Variants in PATE1 observed in about 807,000 individuals in gnomAD.
The protein encoded by PATE1 is prostate and testis expressed 1, also known as prostate and testis expressed protein 1.
In PATE1, 21 loss-of-function variants were observed where a neutral mutation model predicts 13.1. That is an observed-to-expected ratio of 1.61 (90% CI 1.14 to 2.31). The LOEUF (loss-of-function observed/expected upper bound fraction) is 2.31. PATE1 is among the 30% of genes most tolerant of loss of function. The pLI, the probability that PATE1 is intolerant of heterozygous loss-of-function variation, is 0.00. For missense variants in PATE1, 166 were observed against 147.2 expected (o/e 1.13, Z -0.66); for synonymous variants, 52 against 47.1 (o/e 1.10, Z -0.43).
At position 125,748,835 on chromosome 11, in the gene PATE1, C is replaced by G. The variant is rs1280061584; in HGVS notation, c.*102C>G. The G allele has an allele frequency of 7.6e-7, 1 of 1,319,930 alleles. No individual in the cohort carries two copies. Among genetic ancestry groups the G allele is most frequent in the Admixed American group, 2.2e-5 (1 of 44,802 alleles). 81.8% of individuals were successfully genotyped at this position (1,319,930 alleles called of 1,614,324 possible). Reference sequence around the variant, plus strand: ...AAAATCACACACACACACACACACACTACAGAAGAGGATTGCAAACACATG... The same window carrying G: ...AAAATCACACACACACACACACACAGTACAGAAGAGGATTGCAAACACATG... On this transcript the variant is annotated 3_prime_UTR_variant, in exon 5 of 5. Transcript: ENST00000305738.
chr11:125,748,138 C>A, intron 4 of PATE1: 1 of 339,972 alleles, frequency 2.9e-6, no homozygotes, highest in South Asian at 3.9e-5. Flanking sequence ...GTGGAGGGGG[C>A]TTTTGGTTCT....
chr11:125,747,280 T>A (rs1479016572), intron 2 of PATE1, 96 bp from the exon 3 acceptor site: 2 of 1,148,458 alleles, frequency 1.7e-6, no homozygotes, highest in East Asian at 2.4e-5. Context: ...AGTTTAAGAG[T>A]GCAGGATGGA....
intron 2 of PATE1, 83 bp from the exon 3 acceptor site, chr11:125,747,293 C>T: frequency 7.4e-7 from 1 of 1,355,162 alleles, no homozygotes. Flanking sequence ...AGGATGGACC[C>T]TGAAGGGCAG....
Position 125,749,798 on chromosome 11 carries a change from T to C in PATE1, c.*1065T>C, listed in dbSNP as rs1224790188. The C allele has an allele frequency of 6.6e-6, 1 of 151,788 alleles. No homozygotes were observed. Among genetic ancestry groups the C allele is most frequent in the Non-Finnish European group, 1.5e-5 (1 of 67,960 alleles). The allele number at this position is 151,788 out of a possible 1,614,324, so 9.4% of individuals were successfully genotyped here. ...GTAGAATGAAGCCTGGAAAGAGTGA[T>C]GAATTATATTATATTATATAAAAAT... is the stretch of plus-strand genomic sequence containing the variant. On this transcript the variant is annotated 3_prime_UTR_variant, in exon 5 of 5. Transcript: ENST00000305738.
intron 4 of PATE1, 38 bp from the exon 5 acceptor site, chr11:125,748,562 G>A (rs1434759511): frequency 5.6e-6 from 9 of 1,599,782 alleles, no homozygotes; most frequent in Admixed American, 3.5e-5. Flanking sequence ...GAACTTTCAT[G>A]GCCAGGCTTC....
In PATE1 at chr11:125,749,626, G is replaced by A. The variant is rs1162676910; in HGVS notation, c.*893G>A. On this transcript the variant is annotated 3_prime_UTR_variant, in exon 5 of 5. Transcript: ENST00000305738. ...TCATCAGCCACTTGTGTGAAGAGAT[G>A]CCCCATGACCCCAGATGCCTCTCCC... 2.6e-5 allele frequency: 4 copies of A among 152,028 alleles called. No homozygotes were observed. The highest frequency in any genetic ancestry group is 5.9e-5 in the Non-Finnish European group (4 of 68,010). The allele number at this position is 152,028 out of a possible 1,614,324, so 9.4% of individuals were successfully genotyped here.
chr11:125,748,585 T>G lies in PATE1; in HGVS notation c.248-15T>G. 5 of 1,608,994 alleles carry G rather than the reference T, an allele frequency of 3.1e-6. No homozygotes were observed. The highest frequency in any genetic ancestry group is 4.2e-6 in the Non-Finnish European group (5 of 1,178,610). On this transcript the variant is annotated splice_polypyrimidine_tract_variant and intron_variant, in intron 4 of 4. Coordinates refer to ENST00000305738, the MANE Select transcript of PATE1 (RefSeq NM_138294.3). ...ATGGCCAGGCTTCCTGATCTGTTTT[T>G]TCTCCCCTCCACAGGGGATGGTAAT...
intron 1 of PATE1, 125 bp from the exon 2 acceptor site, chr11:125,746,536 C>T (rs1189392582): frequency 2.7e-5 from 37 of 1,363,332 alleles, no homozygotes; most frequent in Non-Finnish European, 3.6e-5. Context: ...TAAAGCTCTT[C>T]TCCCTTCCTT....
At chr11:125,746,760 T>A in intron 2 of PATE1, 64 bp downstream of exon 2, 2 of 1,580,776 alleles carry the variant, frequency 1.3e-6, no homozygotes, top group Admixed American at 1.7e-5. Context: ...ATGAGTGGGG[T>A]GAGGTGAGCA....
In PATE1 at chr11:125,748,776, G is replaced by T. The variant is rs1243370447; in HGVS notation, c.*43G>T. On this transcript the variant is annotated 3_prime_UTR_variant, in exon 5 of 5. Transcript: ENST00000305738. ...GTGACTCCAATTTCTGGGTGAGGTT[G>T]TTGCCTCAGCCTCTTCACAATGACT... 3.1e-6 allele frequency: 5 copies of T among 1,604,778 alleles called. No individual in the cohort carries two copies. The highest frequency in any genetic ancestry group is 4.3e-6 in the Non-Finnish European group (5 of 1,174,974).
chr11:125,748,765 T>A lies in PATE1; in HGVS notation c.*32T>A. The A allele has an allele frequency of 6.2e-7, 1 of 1,608,424 alleles. No individual in the cohort carries two copies. Among genetic ancestry groups the A allele is most frequent in the Non-Finnish European group, 8.5e-7 (1 of 1,177,188 alleles). On this transcript the variant is annotated 3_prime_UTR_variant, in exon 5 of 5. Transcript: ENST00000305738. ...ATGGTTCTTCTGTGACTCCAATTTC[T>A]GGGTGAGGTTGTTGCCTCAGCCTCT...
Position 125,747,402 on chromosome 11 carries a change from A to T in PATE1, c.115A>T (p.Asn39Tyr), listed in dbSNP as rs1388320528. The T allele has an allele frequency of 6.2e-7, 1 of 1,612,600 alleles. No homozygotes were observed. Among genetic ancestry groups the T allele is most frequent in the Non-Finnish European group, 8.5e-7 (1 of 1,179,420 alleles). ...CAATGAAATAGTTGCTGTGAAAAACAATTTTCCTGGTAAGTATGAAGAGGA... is the reference window on the plus strand; with the variant it reads ...CAATGAAATAGTTGCTGTGAAAAACTATTTTCCTGGTAAGTATGAAGAGGA... ...AVNEIVAVKN[N>Y]FPVIEIVQCR... The change falls in exon 3 of 5, where the codon AAT becomes TAT. Residue 39 changes from asparagine (N) to tyrosine (Y), a missense_variant. Asn to Tyr is a moderately radical substitution (Grantham distance 143). Coordinates refer to ENST00000305738, the MANE Select transcript of PATE1 (RefSeq NM_138294.3).
chr11:125,747,492 C>G, intron 3 of PATE1, 81 bp downstream of exon 3: 1 of 1,467,252 alleles, frequency 6.8e-7, no homozygotes, highest in Non-Finnish European at 9.5e-7. Flanking sequence ...TTTCTTTCCC[C>G]TCCCATTTTT....
At position 125,747,403 on chromosome 11, in the gene PATE1, AT is replaced by A; in HGVS notation, c.120del (p.Pro41LeufsTer2). On this transcript the variant is annotated frameshift_variant, in exon 3 of 5. Coordinates refer to ENST00000305738, the MANE Select transcript of PATE1 (RefSeq NM_138294.3). LOFTEE classifies it high-confidence loss of function. ...AVNEIVAVKN[N>X]FPVIEIVQCR... The stretch of plus-strand genomic sequence containing the variant: ...AATGAAATAGTTGCTGTGAAAAACA[AT>A]TTTCCTGGTAAGTATGAAGAGGACC... The A allele has an allele frequency of 6.2e-7, 1 of 1,612,510 alleles. No individual in the cohort carries two copies. The highest frequency in any genetic ancestry group is 8.5e-7 in the Non-Finnish European group (1 of 1,179,354).
Position 125,748,876 on chromosome 11 carries a change from C to G in PATE1, c.*143C>G, listed in dbSNP as rs1471456856. On this transcript the variant is annotated 3_prime_UTR_variant, in exon 5 of 5. Transcript: ENST00000305738. Reference sequence around the variant, plus strand: ...CAAACACATGGCTCCATCTTCTGCACACGAAAGGAAAGTCCCTCTCCTTTT... The same window carrying G: ...CAAACACATGGCTCCATCTTCTGCAGACGAAAGGAAAGTCCCTCTCCTTTT... The G allele has an allele frequency of 9.6e-6, 10 of 1,041,970 alleles. No homozygotes were observed. The highest frequency in any genetic ancestry group is 1.4e-5 in the Non-Finnish European group (10 of 734,344). The allele number at this position is 1,041,970 out of a possible 1,614,324, so 64.5% of individuals were successfully genotyped here.
chr11:125,747,249 G>C, intron 2 of PATE1, 127 bp from the exon 3 acceptor site: 1 of 780,812 alleles, frequency 1.3e-6, no homozygotes. Context: ...TAGGGGGACA[G>C]AGTGGGCCTG....
At position 125,748,536 on chromosome 11, in the gene PATE1, G is replaced by T. The variant is rs943349825; in HGVS notation, c.248-64G>T. On this transcript the variant is annotated intron_variant, in intron 4 of 4. Coordinates refer to ENST00000305738, the MANE Select transcript of PATE1 (RefSeq NM_138294.3). ...TTTCTATATGTTGGTGTGGTCTGGAGAAAAGTTTTTTAGCAGAACTTTCAT... is the reference window on the plus strand; with the variant it reads ...TTTCTATATGTTGGTGTGGTCTGGATAAAAGTTTTTTAGCAGAACTTTCAT... 5.1e-6 allele frequency: 8 copies of T among 1,574,930 alleles called. No homozygotes were observed. In the African/African-American group the frequency reaches 1.1e-4, roughly 21 times the overall value.
intron 1 of PATE1, 137 bp downstream of exon 1, chr11:125,746,493 A>G: frequency 7.8e-7 from 1 of 1,289,966 alleles, no homozygotes; most frequent in Non-Finnish European, 1.1e-6. Flanking sequence ...TATGCCTTCT[A>G]CCAGGGGTAT....
At position 125,748,659 on chromosome 11, in the gene PATE1, G is replaced by A. The variant is rs1366539735; in HGVS notation, c.307G>A (p.Gly103Ser). Residue 103 changes from glycine (G) to serine (S), a missense_variant, in exon 5 of 5, where the codon GGC (glycine) becomes AGC (serine). Physicochemically the swap from Gly to Ser is moderately conservative, Grantham distance 56 (BLOSUM62 0). Coordinates refer to ENST00000305738, the MANE Select transcript of PATE1 (RefSeq NM_138294.3). ...CCTAAAGAACTGTGCTGATGTGAAA[G>A]GCATAAGGTGGAGTGTCTATTTGGT... Reference protein sequence around the residue: ...GCLKNCADVKGIRWSVYLVNF... With the variant: ...GCLKNCADVKSIRWSVYLVNF... 1.2e-6 allele frequency: 2 copies of A among 1,613,952 alleles called. No homozygotes were observed. Among genetic ancestry groups the A allele is most frequent in the East Asian group, 2.2e-5 (1 of 44,872 alleles).
Sources: allele counts gnomAD v4.1 joint callset, GRCh38; gene constraint gnomAD v4.1.1; transcripts MANE v1.5; gene names NCBI Gene and HGNC (gene_info 2026-07-23, HGNC 2026-07-21).